Variants in TEX36 observed in about 807,000 individuals in gnomAD.
The protein encoded by TEX36 is testis expressed 36.
A neutral mutation model predicts 13.6 loss-of-function variants in TEX36; 12 were observed. The ratio of observed to expected loss-of-function variants is 0.88; its 90% confidence interval spans 0.56 to 1.43. TEX36 has a LOEUF of 1.43. TEX36 is among the 40% of genes most tolerant of loss of function. TEX36 has a pLI of 0.00. For synonymous variants in TEX36, 93 were observed against 83.0 expected, an observed-to-expected ratio of 1.12 and a Z score of -0.65; for missense variants, 224 against 228.3, an observed-to-expected ratio of 0.98 and a Z score of 0.12.
At chr10:125,594,848 T>TA (rs1312179305) in intron 3 of TEX36, among the ~76,000 whole-genome samples, 3 of 152,064 alleles carry the variant, frequency 2.0e-5, no homozygotes, top group Non-Finnish European at 1.5e-5. Context: ...AGTATAAAAC[T>TA]AGCAAGGAAT....
intron 3 of TEX36, among the ~76,000 whole-genome samples, chr10:125,590,183 C>T (rs1032848810): frequency 6.0e-4 from 91 of 152,060 alleles, no homozygotes; most frequent in African/African-American, 2.1e-3. Context: ...GGCACCATCT[C>T]GGATCACTGC....
rs149729140 is a variant in TEX36 at position 125,670,627 on chromosome 10, A to C, written c.52-8650T>G. Reference sequence around the variant, plus strand: ...ATTTGTCAATTTCTGCTTTTGTTGCAATTGCTTTTGACATTTTAATCATGT... The same window carrying C: ...ATTTGTCAATTTCTGCTTTTGTTGCCATTGCTTTTGACATTTTAATCATGT... On this transcript the variant is annotated intron_variant, in intron 1 of 3. Coordinates refer to ENST00000368821, the MANE Select transcript of TEX36 (RefSeq NM_001128202.3). Among the ~76,000 whole-genome samples, 109 of 152,182 alleles carry C rather than the reference A, an allele frequency of 7.2e-4. 1 individual carries two copies. The East Asian group carries it at 0.02, about 29-fold the overall frequency.
At chr10:125,593,917 A>G (rs772254223) in intron 3 of TEX36, among the ~76,000 whole-genome samples, 9 of 152,258 alleles carry the variant, frequency 5.9e-5, no homozygotes, top group Non-Finnish European at 1.3e-4. Context: ...TATGTTATGC[A>G]AATTTCACCT....
chr10:125,605,807 G>A (rs1202352060), intron 3 of TEX36, among the ~76,000 whole-genome samples: 1 of 151,998 alleles, frequency 6.6e-6, no homozygotes, highest in Non-Finnish European at 1.5e-5. Flanking sequence ...TCACCATGTT[G>A]GCCAGGCTGG....
At chr10:125,626,172 T>A (rs297247) in intron 3 of TEX36, among the ~76,000 whole-genome samples, 33,723 of 152,052 alleles carry the variant, frequency 0.22, 5,940 homozygotes, top group African/African-American at 0.48. Flanking sequence ...TGCCCAGTCC[T>A]GCTCCCTCCT....
chr10:125,602,188 G>A (rs1419955227), intron 3 of TEX36, among the ~76,000 whole-genome samples: 6 of 152,198 alleles, frequency 3.9e-5, no homozygotes, highest in African/African-American at 4.8e-5. Context: ...CTGTGACTTA[G>A]TGAGGCAGAA....
chr10:125,608,559 GGA>G (rs1165293128), intron 3 of TEX36, among the ~76,000 whole-genome samples: 1 of 152,114 alleles, frequency 6.6e-6, no homozygotes, highest in Non-Finnish European at 1.5e-5. Flanking sequence ...AGGGCTAGAG[GGA>G]CCAGGAACTC....
At position 125,656,071 on chromosome 10, in the gene TEX36, T is replaced by G. The variant is rs1365550151; in HGVS notation, c.390A>C (p.Val130=). The G allele has an allele frequency of 1.3e-6, 2 of 1,551,682 alleles. No homozygotes were observed. The highest frequency in any genetic ancestry group is 4.9e-5 in the East Asian group (2 of 40,910). ...DGFSNNQISY[V]YKEAMVVSSF... is the part of the protein sequence containing the mutation. ...TTGAGACCACCATGGCTTCTTTATA[T>G]ACGTATGATATTTGGTTATTTGAAA... Residue 130 remains valine, a synonymous_variant, in exon 4 of 4, where the codon GTA becomes GTC. Coordinates refer to ENST00000368821, the MANE Select transcript of TEX36 (RefSeq NM_001128202.3).
intron 1 of TEX36, among the ~76,000 whole-genome samples, chr10:125,670,807 T>C (rs1343592996): frequency 6.6e-6 from 1 of 152,232 alleles, no homozygotes; most frequent in African/African-American, 2.4e-5. Flanking sequence ...TGCATATTAC[T>C]AGCCAGTTCT....
At chr10:125,643,126 A>T (rs1376323812) in intron 3 of TEX36, among the ~76,000 whole-genome samples, 1 of 152,164 alleles carries the variant, frequency 6.6e-6, no homozygotes, top group Admixed American at 6.5e-5. Context: ...GATGAACTAG[A>T]TCCCTGTCAG....
chr10:125,675,464 CCCA>C (rs757813007), intron 1 of TEX36, among the ~76,000 whole-genome samples: 5 of 152,128 alleles, frequency 3.3e-5, no homozygotes, highest in Non-Finnish European at 7.4e-5. Context: ...TTAGGCAGTC[CCCA>C]CCAAGTGGCT....
chr10:125,593,274 G>T (rs1316545966), intron 3 of TEX36, among the ~76,000 whole-genome samples: 1 of 152,186 alleles, frequency 6.6e-6, no homozygotes, highest in Non-Finnish European at 1.5e-5. Context: ...GGAACCAGGG[G>T]CAAAAACCAA....
chr10:125,636,669 A>G (rs1476887055), intron 3 of TEX36, among the ~76,000 whole-genome samples: 2 of 152,120 alleles, frequency 1.3e-5, no homozygotes, highest in Non-Finnish European at 2.9e-5. Flanking sequence ...GTGACCCACC[A>G]TCGTATCAGT....
chr10:125,675,409 C>T (rs1018022459), intron 1 of TEX36, among the ~76,000 whole-genome samples: 1 of 150,050 alleles, frequency 6.7e-6, no homozygotes, highest in East Asian at 2.0e-4. Flanking sequence ...GCAGCAGGCA[C>T]CCACGGTGAT....
At chr10:125,615,002 C>T (rs1427216792) in intron 3 of TEX36, among the ~76,000 whole-genome samples, 1 of 152,170 alleles carries the variant, frequency 6.6e-6, no homozygotes, top group East Asian at 1.9e-4. Flanking sequence ...TTTCACATCC[C>T]TTGTAAGTTG....
intron 3 of TEX36, among the ~76,000 whole-genome samples, chr10:125,607,691 T>C (rs929609497): frequency 6.6e-6 from 1 of 151,936 alleles, no homozygotes; most frequent in Non-Finnish European, 1.5e-5. Flanking sequence ...CCTGGGAGCA[T>C]AAGACCTCTA....
intron 3 of TEX36, among the ~76,000 whole-genome samples, chr10:125,590,571 CTATTATTACTAGG>C (rs1846010066): frequency 6.6e-6 from 1 of 152,128 alleles, no homozygotes; most frequent in African/African-American, 2.4e-5. Flanking sequence ...ATTATTATTA[CTATTATTACTAGG>C]CTAAAAGTGT....
chr10:125,602,872 G>A (rs1345691939), intron 3 of TEX36, among the ~76,000 whole-genome samples: 3 of 152,086 alleles, frequency 2.0e-5, no homozygotes, highest in Non-Finnish European at 4.4e-5. Context: ...TACATCAAAC[G>A]CATGCGGTAC....
chr10:125,667,427 G>A (rs1327136780), intron 1 of TEX36: 1 of 679,858 alleles, frequency 1.5e-6, no homozygotes, highest in East Asian at 3.1e-5. Flanking sequence ...GCAGATGCTG[G>A]CATGACAGGC....
Sources: allele counts gnomAD v4.1 joint callset (sites outside exome capture counted in the v4.1 genomes callset), GRCh38; gene constraint gnomAD v4.1.1; transcripts MANE v1.5; gene names NCBI Gene and HGNC (gene_info 2026-07-23, HGNC 2026-07-21).